Variants in ABCA10 observed in about 807,000 individuals in gnomAD.
ABCA10 encodes the protein ATP-binding cassette sub-family A member 10.
A neutral mutation model predicts 187.5 loss-of-function variants in ABCA10; 169 were observed. The ratio of observed to expected loss-of-function variants is 0.90; its 90% CI spans 0.80 to 1.02. ABCA10 has a LOEUF of 1.02. Among genes scored for constraint, ABCA10 ranks in the 50% least tolerant of loss-of-function variants. The pLI, the probability that ABCA10 is intolerant of heterozygous loss-of-function variation, is 0.00. For synonymous variants in ABCA10, 574 were observed against 601.8 expected, an observed-to-expected ratio of 0.95 and a Z score of 0.68; for missense variants, 1,727 against 1,812.4, an observed-to-expected ratio of 0.95 and a Z score of 0.86.
intron 3 of ABCA10, among the ~76,000 whole-genome samples, chr17:69,224,026 G>C (rs1434754048): frequency 1.3e-5 from 2 of 152,132 alleles, no homozygotes; most frequent in Non-Finnish European, 2.9e-5. Flanking sequence ...GATCAGGGCA[G>C]AATCAACACT....
intron 10 of ABCA10, among the ~76,000 whole-genome samples, chr17:69,198,789 G>A (rs148315553): frequency 1.3e-5 from 2 of 152,018 alleles, no homozygotes; most frequent in Admixed American, 6.6e-5. Context: ...GTAAAATATC[G>A]TAAATATTTC....
intron 32 of ABCA10, 24 bp from the exon 33 acceptor site, chr17:69,153,570 A>G (rs1286253706): frequency 1.9e-6 from 3 of 1,613,352 alleles, no homozygotes; most frequent in Non-Finnish European, 2.5e-6. Context: ...GTGTGATTAT[A>G]CATGAAGTAT....
chr17:69,161,249 C>A (rs1384433255), intron 27 of ABCA10, among the ~76,000 whole-genome samples: 4 of 151,814 alleles, frequency 2.6e-5, no homozygotes, highest in African/African-American at 7.3e-5. Context: ...CCGGTTTGGG[C>A]AAAGGGGAAA....
chr17:69,196,112 C>A, intron 11 of ABCA10: 1 of 161,798 alleles, frequency 6.2e-6, no homozygotes, highest in Non-Finnish European at 1.3e-5. Flanking sequence ...GCAGAGGGGC[C>A]CCCCACCTCC....
chr17:69,179,327 T>C (rs929481056), intron 22 of ABCA10, among the ~76,000 whole-genome samples: 2 of 152,190 alleles, frequency 1.3e-5, no homozygotes, highest in Non-Finnish European at 2.9e-5. Context: ...GGAGGTAATA[T>C]GCTAAGACAA....
chr17:69,222,053 G>A (rs1222611974), intron 4 of ABCA10, among the ~76,000 whole-genome samples, 158 bp from the exon 5 acceptor site: 1 of 152,038 alleles, frequency 6.6e-6, no homozygotes, highest in East Asian at 1.9e-4. Context: ...TACAGAATTG[G>A]AGAAAAAAAG....
chr17:69,210,864 AT>A lies in ABCA10; in HGVS notation c.1006+3839del, dbSNP rs1244960577. 8.3e-5 allele frequency among the ~76,000 whole-genome samples: 12 copies of A among 145,324 alleles called. 1 individual carries two copies. The highest frequency in any genetic ancestry group is 3.3e-4 in the African/African-American group (12 of 36,700). ...TTATGCCACATATATATATATATAT[AT>A]GCCATATTTCCTTTACCCACTCATT... On this transcript the variant is annotated intron_variant, in intron 9 of 38. Coordinates refer to ENST00000690296, the MANE Select transcript of ABCA10 (RefSeq NM_001377321.1).
intron 27 of ABCA10, among the ~76,000 whole-genome samples, chr17:69,163,733 C>T (rs1235052312): frequency 2.0e-5 from 3 of 152,096 alleles, no homozygotes; most frequent in Non-Finnish European, 4.4e-5. Context: ...TCCTTTCCTC[C>T]TCATTATTCA....
rs766044788 is a variant in ABCA10 at position 69,174,263 on chromosome 17, G to C, written c.3162+18C>G. On this transcript the variant is annotated intron_variant, in intron 25 of 38. Coordinates refer to ENST00000690296, the MANE Select transcript of ABCA10 (RefSeq NM_001377321.1). ...AAGGAAATTTAATATAAATGTGCAC[G>C]CATGTATATATACTTACAATAAAAA... 6.7e-7 allele frequency: 1 copy of C among 1,487,552 alleles called. No individual in the cohort carries two copies. The highest frequency in any genetic ancestry group is 2.3e-5 in the East Asian group (1 of 43,560). The allele number at this position is 1,487,552 out of a possible 1,614,324, so 92.1% of individuals were successfully genotyped here.
chr17:69,216,438 A>G, intron 6 of ABCA10, 80 bp from the exon 7 acceptor site: 1 of 1,427,600 alleles, frequency 7.0e-7, no homozygotes. Flanking sequence ...GGTTAAGAGT[A>G]AAAGCTCTGA....
intron 9 of ABCA10, among the ~76,000 whole-genome samples, chr17:69,205,162 C>T (rs946032164): frequency 1.4e-4 from 22 of 151,828 alleles, no homozygotes; most frequent in African/African-American, 5.3e-4. Context: ...TTTAAAAATA[C>T]GTATTATACC....
chr17:69,221,581 G>A (rs1053837697), intron 5 of ABCA10, among the ~76,000 whole-genome samples: 3 of 152,186 alleles, frequency 2.0e-5, no homozygotes, highest in African/African-American at 7.2e-5. Flanking sequence ...TGAAGAAAGA[G>A]AATGTGTGTA....
chr17:69,221,943 C>G (rs560945647), intron 4 of ABCA10, 48 bp from the exon 5 acceptor site: 7 of 1,386,714 alleles, frequency 5.0e-6, no homozygotes, highest in Non-Finnish European at 6.0e-6. Flanking sequence ...ATGGAGTCAA[C>G]TCCTGGAATT....
At position 69,155,100 on chromosome 17, in the gene ABCA10, A is replaced by T; in HGVS notation, c.3613T>A (p.Tyr1205Asn). The change falls in exon 30 of 39, where the codon TAT (tyrosine) becomes AAT (asparagine). Residue 1205 changes from tyrosine to asparagine, a missense_variant. Coordinates refer to ENST00000690296, the MANE Select transcript of ABCA10 (RefSeq NM_001377321.1). ...VITASCLHKEYYETKKSCFST... is the reference protein window; with the variant it reads ...VITASCLHKENYETKKSCFST... ...AAGCAACTTTTCTTTGTCTCATAATATTCCTTGTGTAAACAGCTTGCAGTT... is the reference window on the plus strand; with the variant it reads ...AAGCAACTTTTCTTTGTCTCATAATTTTCCTTGTGTAAACAGCTTGCAGTT... 2.5e-6 allele frequency: 4 copies of T among 1,612,810 alleles called. No individual in the cohort carries two copies. The highest frequency in any genetic ancestry group is 1.7e-6 in the Non-Finnish European group (2 of 1,179,254).
intron 1 of ABCA10, among the ~76,000 whole-genome samples, chr17:69,241,786 G>C (rs1228942418): frequency 6.6e-6 from 1 of 152,140 alleles, no homozygotes; most frequent in Non-Finnish European, 1.5e-5. Flanking sequence ...GCTCAGTGAG[G>C]GCAGAGACTT....
At chr17:69,177,391 T>C (rs1197906392) in intron 22 of ABCA10, among the ~76,000 whole-genome samples, 1 of 152,188 alleles carries the variant, frequency 6.6e-6, no homozygotes, top group Non-Finnish European at 1.5e-5. Context: ...CCAGACACTT[T>C]TGTTAGCTTC....
At chr17:69,204,684 T>C (rs984422036) in intron 9 of ABCA10, among the ~76,000 whole-genome samples, 1 of 152,248 alleles carries the variant, frequency 6.6e-6, no homozygotes, top group African/African-American at 2.4e-5. Context: ...GCAGTTACAT[T>C]TTAAATGGAT....
intron 1 of ABCA10, among the ~76,000 whole-genome samples, chr17:69,238,705 T>C: frequency 6.6e-6 from 1 of 152,170 alleles, no homozygotes; most frequent in East Asian, 1.9e-4. Context: ...ATAGATTACT[T>C]TGGAGGAGGT....
chr17:69,223,790 G>A (rs1227951498), intron 3 of ABCA10: 5 of 328,714 alleles, frequency 1.5e-5, no homozygotes, highest in Non-Finnish European at 3.0e-5. Context: ...TGTAGAATAA[G>A]ACAGTGAGAG....
Sources: allele counts gnomAD v4.1 joint callset (sites outside exome capture counted in the v4.1 genomes callset), GRCh38; gene constraint gnomAD v4.1.1; transcripts MANE v1.5; gene names NCBI Gene and HGNC (gene_info 2026-07-23, HGNC 2026-07-21).